COL5A1: variants seen among roughly 807,000 people sequenced by gnomAD.
COL5A1 encodes the protein collagen type V alpha 1 chain.
In COL5A1, 16 loss-of-function variants were observed where a neutral mutation model predicts 263.7. The ratio of observed to expected loss-of-function variants is 0.06; its 90% CI spans 0.04 to 0.09. The LOEUF is 0.09. COL5A1 is among the 10% of genes least tolerant of loss of function. The pLI is 1.00. For missense variants in COL5A1, 2,036 were observed against 2,540.5 expected, an observed-to-expected ratio of 0.80 and a Z score of 4.27; for synonymous variants, 1,012 against 1,004.5, an observed-to-expected ratio of 1.01 and a Z score of -0.14.
At chr9:134,766,369 G>A in intron 21 of COL5A1, 85 bp from the exon 22 acceptor site, 1 of 1,369,272 alleles carries the variant, frequency 7.3e-7, no homozygotes, top group African/African-American at 1.4e-5. Flanking sequence ...GGGCGTCTGA[G>A]CTGAGTTGAG....
At chr9:134,721,926 T>C (rs7875140) in intron 4 of COL5A1, among the ~76,000 whole-genome samples, 55,122 of 152,026 alleles carry the variant, frequency 0.36, 12,382 homozygotes, top group African/African-American at 0.63. Flanking sequence ...AAGCAGTGGG[T>C]GGGCTGGAAA....
At chr9:134,788,169 G>A (rs567486234) in intron 31 of COL5A1, among the ~76,000 whole-genome samples, 1 of 149,868 alleles carries the variant, frequency 6.7e-6, no homozygotes, top group African/African-American at 2.5e-5. Context: ...TAGACAAGTG[G>A]ATGAATGGAG....
rs12553247 is a variant in COL5A1 at position 134,842,317 on chromosome 9, C to T, written c.*14C>T. 10,479 of 1,613,830 alleles carry T rather than the reference C, an allele frequency of 6.5e-3. 688 individuals carry two copies. The East Asian group carries it at 0.16, about 24-fold the overall frequency. On this transcript the variant is annotated 3_prime_UTR_variant, in exon 66 of 66. Coordinates refer to ENST00000371817, the MANE Select transcript of COL5A1 (RefSeq NM_000093.5). The surrounding 1 kb of genome is among the most constrained non-coding windows in gnomAD (Gnocchi z 5.8). ...TTCATGGGCTAGGAGCCGCCGAGCC[C>T]GGGCTCCCGAGAGCAACCTCGTGAC...
chr9:134,816,880 G>A (rs1034610063), intron 52 of COL5A1, 146 bp from the exon 53 acceptor site: 7 of 749,462 alleles, frequency 9.3e-6, no homozygotes, highest in Non-Finnish European at 1.6e-5. Flanking sequence ...CACTGTCTTA[G>A]GACCCTCTGT....
chr9:134,722,002 A>C lies in COL5A1; in HGVS notation c.655-5264A>C, dbSNP rs372502230. Among the ~76,000 whole-genome samples the C allele has an allele frequency of 2.3e-4, 35 of 152,344 alleles. No individual in the cohort carries two copies. The East Asian group carries it at 6.4e-3, about 28-fold the overall frequency. ...CTGCAGCACTCTGAGCCTGAGCCTT[A>C]GCACCTGCGCCTCGGTTTCTCCTTC... On this transcript the variant is annotated intron_variant, in intron 4 of 65. Transcript: ENST00000371817.
chr9:134,746,125 C>T (rs750648418), intron 11 of COL5A1, among the ~76,000 whole-genome samples: 64 of 152,198 alleles, frequency 4.2e-4, no homozygotes, highest in Non-Finnish European at 6.9e-4. Flanking sequence ...CAGCCCACCG[C>T]GCGTGGTCAT....
intron 1 of COL5A1, among the ~76,000 whole-genome samples, chr9:134,666,400 A>C (rs1832358084): frequency 6.6e-6 from 1 of 152,082 alleles, no homozygotes; most frequent in Non-Finnish European, 1.5e-5. Context: ...TCTTCTCTGG[A>C]GAGTGGCTTT....
chr9:134,753,483 G>A (rs1378611670), intron 14 of COL5A1, among the ~76,000 whole-genome samples: 1 of 152,224 alleles, frequency 6.6e-6, no homozygotes, highest in Non-Finnish European at 1.5e-5. Context: ...ACATCTGGGG[G>A]ATCTGGCCTT....
rs7863390 is a variant in COL5A1, at chr9:134,797,080, C to T, written c.2898+179C>T. Among the ~76,000 whole-genome samples, 30,604 of 152,222 alleles carry T rather than the reference C, an allele frequency of 0.2. 3,236 individuals are homozygous for T. The highest frequency in any genetic ancestry group is 0.24 in the Middle Eastern group (70 of 294). On this transcript the variant is annotated intron_variant, in intron 36 of 65. Transcript: ENST00000371817. The stretch of plus-strand genomic sequence containing the variant: ...TCAGATGAGGGGGAGACCCCCCCAC[C>T]GCCAAGGCGGCTGTGGGGCAGTCTG...
chr9:134,759,828 A>C (rs1256343960), intron 18 of COL5A1, among the ~76,000 whole-genome samples: 38 of 48,298 alleles, frequency 7.9e-4, no homozygotes, highest in African/African-American at 1.7e-3. Flanking sequence ...ACACACCCAC[A>C]CCCCCCCACT....
intron 63 of COL5A1, among the ~76,000 whole-genome samples, chr9:134,826,326 C>G (rs772070252): frequency 6.6e-6 from 1 of 152,234 alleles, no homozygotes; most frequent in Non-Finnish European, 1.5e-5. Flanking sequence ...TCTTATTATC[C>G]AGCCTGTTTC....
rs1588430750 is a variant in COL5A1, at chr9:134,680,409, G to A, written c.110-10503G>A. ...TTACAAAGGTTGGTGGCATGGAGGG[G>A]TGGGGACAGCAGGCCCCTTCCAGGT... On this transcript the variant is annotated intron_variant, in intron 1 of 65. Coordinates refer to ENST00000371817, the MANE Select transcript of COL5A1 (RefSeq NM_000093.5). This position sits in a 1 kb window ranked among gnomAD's most constrained non-coding sequence, Gnocchi z 5.9. 6.6e-6 allele frequency among the ~76,000 whole-genome samples: 1 copy of A among 152,192 alleles called. No homozygotes were observed. The highest frequency in any genetic ancestry group is 1.5e-5 in the Non-Finnish European group (1 of 68,036).
chr9:134,796,934 GCCTGTCCCCTCC>G, intron 36 of COL5A1, 33 bp downstream of exon 36: 2 of 1,518,562 alleles, frequency 1.3e-6, no homozygotes, highest in South Asian at 1.1e-5. Flanking sequence ...GGCCAGCACT[GCCTGTCCCCTCC>G]AAAACCCACC....
intron 1 of COL5A1, among the ~76,000 whole-genome samples, chr9:134,654,246 G>T (rs1366988575): frequency 1.4e-5 from 2 of 144,572 alleles, no homozygotes; most frequent in African/African-American, 2.6e-5. Context: ...TGTAGGGCTG[G>T]GGGTGTTTTG....
intron 31 of COL5A1, among the ~76,000 whole-genome samples, chr9:134,787,599 A>C (rs959733328): frequency 6.6e-6 from 1 of 152,224 alleles, no homozygotes; most frequent in Admixed American, 6.5e-5. Flanking sequence ...CAGAGTCCCT[A>C]AATCCATCTC....
At position 134,686,072 on chromosome 9, in the gene COL5A1, G is replaced by A. The variant is rs116649417; in HGVS notation, c.110-4840G>A. 8.6e-4 allele frequency among the ~76,000 whole-genome samples: 131 copies of A among 152,114 alleles called. 1 individual carries two copies. Among genetic ancestry groups the A allele is most frequent in the African/African-American group, 2.7e-3 (112 of 41,482 alleles). On this transcript the variant is annotated intron_variant, in intron 1 of 65. Coordinates refer to ENST00000371817, the MANE Select transcript of COL5A1 (RefSeq NM_000093.5). The surrounding 1 kb of genome is among the most constrained non-coding windows in gnomAD (Gnocchi z 4.6). Reference sequence around the variant, plus strand: ...TTATCCACTATCCATCCATTCATCCGTCCATCCTGCATGTCTGTGTTGAGC... The same window carrying A: ...TTATCCACTATCCATCCATTCATCCATCCATCCTGCATGTCTGTGTTGAGC...
intron 2 of COL5A1, among the ~76,000 whole-genome samples, chr9:134,693,715 G>A (rs1466651375): frequency 6.6e-6 from 1 of 152,166 alleles, no homozygotes; most frequent in Non-Finnish European, 1.5e-5. Context: ...GAGCAAACTC[G>A]CCACCTGTCC....
chr9:134,761,947 C>A lies in COL5A1; in HGVS notation c.1958C>A (p.Pro653Gln), dbSNP rs537316214. 1.2e-6 allele frequency: 2 copies of A among 1,613,564 alleles called. No homozygotes were observed. Among genetic ancestry groups the A allele is most frequent in the African/African-American group, 1.3e-5 (1 of 75,048 alleles). The change falls in exon 19 of 66, where the codon CCA (proline) becomes CAA (glutamine). Residue 653 changes from proline (P) to glutamine (Q), a missense_variant. Pro to Gln is a moderately conservative substitution (Grantham distance 76). This residue lies in a region of COL5A1 where 1,078 missense variants were observed against 1,521.4 expected (regional missense o/e 0.71). Coordinates refer to ENST00000371817, the MANE Select transcript of COL5A1 (RefSeq NM_000093.5). ...GHRGDPGPSG[P>Q]PGPPGDDGER... is the part of the protein sequence containing the mutation. ...TAGGGTGACCCTGGTCCTTCCGGCC[C>A]ACCAGGACCTCCGGGAGACGATGGA... is the stretch of plus-strand genomic sequence containing the variant.
intron 27 of COL5A1, among the ~76,000 whole-genome samples, chr9:134,778,639 C>T (rs1375909048): frequency 2.0e-5 from 3 of 152,254 alleles, no homozygotes; most frequent in East Asian, 3.9e-4. Context: ...CGAACCAGAG[C>T]TGCTCCGAGC....
Sources: allele counts gnomAD v4.1 joint callset (sites outside exome capture counted in the v4.1 genomes callset), GRCh38; gene constraint gnomAD v4.1.1; regional missense constraint gnomAD v4.1.1; non-coding constraint Gnocchi (gnomAD v3.1); transcripts MANE v1.5; gene names NCBI Gene and HGNC (gene_info 2026-07-23, HGNC 2026-07-21).